Variants in SLC39A10 observed in about 807,000 individuals in gnomAD.
The protein encoded by SLC39A10 is zinc transporter ZIP10.
Under a neutral mutation model 65.1 loss-of-function variants are expected in SLC39A10, and 13 were observed. The observed-to-expected ratio is 0.20, with a 90% CI of 0.13 to 0.32. The LOEUF is 0.32. Among genes scored for constraint, SLC39A10 ranks in the 10% least tolerant of loss-of-function variants. The probability of loss-of-function intolerance (pLI) is 1.00; values close to 1 mark genes in which losing one functional copy is unlikely to be tolerated. For synonymous variants in SLC39A10, 321 were observed against 342.2 expected (o/e 0.94, Z 0.68); for missense variants, 831 against 1,018.4 (o/e 0.82, Z 2.50).
intron 2 of SLC39A10, among the ~76,000 whole-genome samples, chr2:195,646,322 G>A (rs2105709409): frequency 6.6e-6 from 1 of 152,252 alleles, no homozygotes; most frequent in Admixed American, 6.5e-5. Flanking sequence ...TGAAACTTCT[G>A]CAGTTCAACA....
At chr2:195,634,055 G>A (rs775580013) in intron 2 of SLC39A10, among the ~76,000 whole-genome samples, 5 of 152,192 alleles carry the variant, frequency 3.3e-5, no homozygotes, top group Non-Finnish European at 7.3e-5. Context: ...AAACTCACAT[G>A]CAGGTATCAA....
At chr2:195,701,921 A>G (rs929159378) in intron 3 of SLC39A10, among the ~76,000 whole-genome samples, 3 of 152,014 alleles carry the variant, frequency 2.0e-5, no homozygotes, top group Admixed American at 6.5e-5. Flanking sequence ...GGCTCAGGTA[A>G]TCTCCCATCA....
chr2:195,677,547 A>C (rs79101874), intron 1 of SLC39A10, among the ~76,000 whole-genome samples: 32 of 47,180 alleles, frequency 6.8e-4, no homozygotes, highest in African/African-American at 1.3e-3. Flanking sequence ...AACAAACAAA[A>C]AAAAATCCAC....
In SLC39A10 at chr2:195,706,636, T is replaced by G; in HGVS notation, c.1237T>G (p.Ser413Ala). The G allele has an allele frequency of 6.2e-7, 1 of 1,612,478 alleles. No homozygotes were observed. Among genetic ancestry groups the G allele is most frequent in the Non-Finnish European group, 8.5e-7 (1 of 1,179,244 alleles). ...TACAGCCTGGATTTGTGGTATCATT[T>G]CTATCACTGTCATTAGCCTGCTTTC... Reference protein sequence around the residue: ...GASAWICGIISITVISLLSLL... With the variant: ...GASAWICGIIAITVISLLSLL... Residue 413 changes from serine (S) to alanine (A), a missense_variant, in exon 4 of 10, where the codon TCT (serine) becomes GCT (alanine). By Grantham distance (99) the Ser-to-Ala change is moderately conservative. Coordinates refer to ENST00000359634, the MANE Select transcript of SLC39A10 (RefSeq NM_020342.3).
At chr2:195,727,747 G>C (rs540362426) in intron 8 of SLC39A10, among the ~76,000 whole-genome samples, 4 of 152,154 alleles carry the variant, frequency 2.6e-5, no homozygotes, top group East Asian at 3.9e-4. Flanking sequence ...TGTGAGTACA[G>C]TTCTTTGAAT....
intron 2 of SLC39A10, among the ~76,000 whole-genome samples, chr2:195,631,848 T>C (rs1280259123): frequency 6.6e-6 from 1 of 152,200 alleles, no homozygotes; most frequent in Non-Finnish European, 1.5e-5. Flanking sequence ...TAACATAATA[T>C]TTATTGCTGA....
At chr2:195,706,104 G>T (rs1267956303) in intron 3 of SLC39A10, among the ~76,000 whole-genome samples, 1 of 151,994 alleles carries the variant, frequency 6.6e-6, no homozygotes, top group Non-Finnish European at 1.5e-5. Context: ...CCAGTAATAA[G>T]ACTTTTTTGT....
chr2:195,659,041 T>C (rs1042326744), intron 1 of SLC39A10, among the ~76,000 whole-genome samples: 1 of 152,218 alleles, frequency 6.6e-6, no homozygotes, highest in Non-Finnish European at 1.5e-5. Context: ...TGGCTTAAAT[T>C]TAATCTAAAA....
chr2:195,626,193 G>A (rs992787062), intron 2 of SLC39A10, among the ~76,000 whole-genome samples: 8 of 152,174 alleles, frequency 5.3e-5, no homozygotes, highest in African/African-American at 1.7e-4. Flanking sequence ...GGAATCACAA[G>A]CTCTTCAAAG....
intron 2 of SLC39A10, among the ~76,000 whole-genome samples, chr2:195,645,290 A>G (rs906074775): frequency 2.6e-5 from 4 of 152,108 alleles, no homozygotes; most frequent in African/African-American, 9.7e-5. Context: ...GTCATTGCCT[A>G]TACATTTTGG....
Position 195,683,917 on chromosome 2 carries a change from T to C in SLC39A10, c.1216+11T>C, listed in dbSNP as rs745313181. 6.3e-7 allele frequency: 1 copy of C among 1,594,820 alleles called. No homozygotes were observed. Among genetic ancestry groups the C allele is most frequent in the Admixed American group, 1.7e-5 (1 of 58,698 alleles). The stretch of plus-strand genomic sequence containing the variant: ...ATATAGGGGCATCAGGTAAGAGAGA[T>C]TTTAAGTTTTTTCTCCTTAAAATAG... On this transcript the variant is annotated intron_variant, in intron 3 of 9. Coordinates refer to ENST00000359634, the MANE Select transcript of SLC39A10 (RefSeq NM_020342.3).
At chr2:195,628,200 G>A (rs758636104) in intron 2 of SLC39A10, among the ~76,000 whole-genome samples, 8 of 152,170 alleles carry the variant, frequency 5.3e-5, no homozygotes, top group Non-Finnish European at 1.0e-4. Flanking sequence ...TTGCAGGGTT[G>A]ATGAATTGTC....
At chr2:195,707,117 T>G (rs1328326847) in intron 4 of SLC39A10, among the ~76,000 whole-genome samples, 1 of 152,196 alleles carries the variant, frequency 6.6e-6, no homozygotes. Context: ...TTGTAATGAT[T>G]ATGCCTGTAG....
chr2:195,635,169 C>T (rs971111619), intron 2 of SLC39A10, among the ~76,000 whole-genome samples: 1 of 152,132 alleles, frequency 6.6e-6, no homozygotes. Flanking sequence ...GTTGTTTGTC[C>T]TCTTGGGCAG....
intron 2 of SLC39A10, among the ~76,000 whole-genome samples, chr2:195,638,882 T>A (rs1439015761): frequency 1.3e-5 from 2 of 152,190 alleles, no homozygotes; most frequent in Non-Finnish European, 2.9e-5. Context: ...ATTTAGTCAT[T>A]ATGAGTCCCT....
chr2:195,733,828 G>A (rs926502550), intron 9 of SLC39A10, among the ~76,000 whole-genome samples: 1 of 152,272 alleles, frequency 6.6e-6, no homozygotes, highest in African/African-American at 2.4e-5. Flanking sequence ...ACAACGCCCA[G>A]CCATATATAA....
chr2:195,618,098 C>A (rs1688265470), intron 2 of SLC39A10, among the ~76,000 whole-genome samples: 1 of 151,792 alleles, frequency 6.6e-6, no homozygotes, highest in South Asian at 2.1e-4. Flanking sequence ...ACCTGTAATC[C>A]CAGTACTTTG....
At chr2:195,673,650 T>C (rs1375187162) in intron 1 of SLC39A10, among the ~76,000 whole-genome samples, 2 of 152,180 alleles carry the variant, frequency 1.3e-5, no homozygotes, top group African/African-American at 4.8e-5. Context: ...GGATAAGTCA[T>C]TGCTGGGTCC....
Position 195,706,761 on chromosome 2 carries a change from C to A in SLC39A10, c.1362C>A (p.Asp454Glu). ...VALAVGTMSG[D>E]ALLHLLPHSQ... is the part of the protein sequence containing the mutation. The stretch of plus-strand genomic sequence containing the variant: ...TAGCTGTAGGAACAATGAGTGGAGA[C>A]GCCCTTCTTCATCTACTGCCCCATG... Residue 454 changes from aspartate to glutamate, a missense_variant, in exon 4 of 10, where the codon GAC (aspartate) becomes GAA (glutamate). Coordinates refer to ENST00000359634, the MANE Select transcript of SLC39A10 (RefSeq NM_020342.3). 6.4e-7 allele frequency: 1 copy of A among 1,567,126 alleles called. No homozygotes were observed. The highest frequency in any genetic ancestry group is 8.6e-7 in the Non-Finnish European group (1 of 1,160,438).
Sources: gnomAD v4.1 joint callset for allele counts (sites outside exome capture counted in the v4.1 genomes callset) on GRCh38, gnomAD v4.1.1 for gene constraint, MANE v1.5 for transcripts, NCBI Gene and HGNC (gene_info 2026-07-23, HGNC 2026-07-21) for gene names.